PRX: variants seen among roughly 807,000 people sequenced by gnomAD.
PRX encodes the protein periaxin.
A neutral mutation model predicts 29.6 loss-of-function variants in PRX; 24 were observed. The observed-to-expected ratio is 0.81, with a 90% CI of 0.59 to 1.14. PRX has a LOEUF of 1.14. PRX is among the 50% of genes most tolerant of loss of function. The pLI is 0.00. For synonymous variants in PRX, 772 were observed against 831.7 expected, an observed-to-expected ratio of 0.93 and a Z score of 1.24; for missense variants, 1,838 against 1,926.4, an observed-to-expected ratio of 0.95 and a Z score of 0.86.
intron 5 of PRX, 97 bp downstream of exon 5, chr19:40,403,609 C>T: frequency 2.8e-6 from 4 of 1,414,896 alleles, no homozygotes; most frequent in Non-Finnish European, 3.8e-6. Context: ...GTCACGCCCC[C>T]ATCCCCCGGT....
chr19:40,395,051 G>A lies in PRX; in HGVS notation c.3301C>T (p.Leu1101=), dbSNP rs937144917. ...TCCTCCTGGGCGCCCAGCGTGACCA[G>A]CTCCACCTCGGGGATCTTAAGCTGC... The part of the protein sequence containing the change: ...AVQLKIPEVE[L]VTLGAQEEGR... Residue 1101 remains leucine, a synonymous_variant, in exon 7 of 7, where the codon CTG becomes TTG. Transcript: ENST00000324001. 2 of 1,612,166 alleles carry A rather than the reference G, an allele frequency of 1.2e-6. No homozygotes were observed. Among genetic ancestry groups the A allele is most frequent in the African/African-American group, 1.3e-5 (1 of 75,026 alleles).
At chr19:40,413,699 C>T (rs1193071723), upstream of PRX, among the ~76,000 whole-genome samples, 7 of 152,164 alleles carry the variant, frequency 4.6e-5, no homozygotes, top group Non-Finnish European at 2.9e-5. Context: ...TGGCCAACTG[C>T]CTCTACTGTA....
chr19:40,410,828 A>G (rs929964691), intron 1 of PRX, among the ~76,000 whole-genome samples: 4 of 152,218 alleles, frequency 2.6e-5, no homozygotes, highest in Admixed American at 2.0e-4. Flanking sequence ...CTGAGAATGC[A>G]CCACTGCACT....
Position 40,403,781 on chromosome 19 carries a change from C to T in PRX, c.109G>A (p.Gly37Ser), listed in dbSNP as rs749568639. The T allele has an allele frequency of 4.4e-6, 7 of 1,604,528 alleles. No individual in the cohort carries two copies. Among genetic ancestry groups the T allele is most frequent in the Admixed American group, 3.4e-5 (2 of 59,202 alleles). The change falls in exon 5 of 7, where the codon GGC becomes AGC. Residue 37 changes from glycine (G) to serine (S), a missense_variant. By Grantham distance (56) the Gly-to-Ser change is moderately conservative. This residue lies in a region of PRX where 666 missense variants were observed against 665.0 expected (regional missense o/e 1.00). Coordinates refer to ENST00000324001, the MANE Select transcript of PRX (RefSeq NM_181882.3). Reference sequence around the variant, plus strand: ...CGAACGAAGATTCCCTCTTTGCCGCCGCCCGCTACGTTGATGCCGCTGACC... The same window carrying T: ...CGAACGAAGATTCCCTCTTTGCCGCTGCCCGCTACGTTGATGCCGCTGACC... ...TGVSGINVAG[G>S]GKEGIFVREL... is the part of the protein sequence containing the mutation.
rs2079512285 is a variant in PRX, at chr19:40,403,738, G to A, written c.152C>T (p.Ser51Leu). The change falls in exon 5 of 7, where the codon TCA becomes TTA. Residue 51 changes from serine (S) to leucine (L), a missense_variant. Physicochemically the swap from Ser to Leu is moderately radical, Grantham distance 145 (BLOSUM62 -2). Around this residue, in one of 3 missense-constraint regions of PRX, gnomAD observed 666 missense variants for 665.0 expected, o/e 1.00. Transcript: ENST00000324001. ...CAGGCTGAGGCTCCTGGCGGCGGGT[G>A]AGTCCTCGCGCAGCTCCCGAACGAA... ...GIFVRELRED[S>L]PAARSLSLQE... The A allele has an allele frequency of 2.5e-6, 4 of 1,569,630 alleles. No homozygotes were observed. Among genetic ancestry groups the A allele is most frequent in the Admixed American group, 1.8e-5 (1 of 54,910 alleles).
chr19:40,399,027 A>G (rs1251418766), intron 5 of PRX, among the ~76,000 whole-genome samples: 2 of 146,406 alleles, frequency 1.4e-5, no homozygotes, highest in Non-Finnish European at 3.0e-5. Flanking sequence ...GCGCCCACTC[A>G]GGCCACGCCC....
chr19:40,401,345 T>G (rs1024265646), intron 5 of PRX, among the ~76,000 whole-genome samples: 1 of 148,578 alleles, frequency 6.7e-6, no homozygotes. Flanking sequence ...CAAGCTGGAG[T>G]GCAGTGGTGT....
chr19:40,396,454 T>G lies in PRX; in HGVS notation c.1898A>C (p.Glu633Ala). ...GAGTTTCACCTCAGGGAGTTTCATC[T>G]CAGGGAGCTTCATCTCTGGGACTTT... ...LPKVPEMKLP[E>A]MKLPEVKLPK... The change falls in exon 7 of 7, where the codon GAG (glutamate) becomes GCG (alanine). Residue 633 changes from glutamate (E) to alanine (A), a missense_variant. Glu to Ala is a moderately radical substitution (Grantham distance 107). This residue lies in a region of PRX where 1,143 missense variants were observed against 1,193.0 expected (regional missense o/e 0.96). Transcript: ENST00000324001. 1 of 1,610,574 alleles carries G rather than the reference T, an allele frequency of 6.2e-7. No homozygotes were observed. Among genetic ancestry groups the G allele is most frequent in the Non-Finnish European group, 8.5e-7 (1 of 1,179,210 alleles).
chr19:40,403,944 C>T, intron 4 of PRX, 82 bp from the exon 5 acceptor site: 1 of 1,422,860 alleles, frequency 7.0e-7, no homozygotes, highest in Non-Finnish European at 9.6e-7. Context: ...AACAGTGGCT[C>T]ATATACATAT....
chr19:40,397,311 C>G lies in PRX; in HGVS notation c.1041G>C (p.Arg347=). Residue 347 remains arginine, a synonymous_variant, in exon 7 of 7, where the codon CGG becomes CGC. Coordinates refer to ENST00000324001, the MANE Select transcript of PRX (RefSeq NM_181882.3). ...LALPGAEVEA[R]GEAPEVALKM... is the part of the protein sequence containing the mutation. ...TCAGGGCCACCTCAGGTGCCTCTCC[C>G]CGGGCCTCCACCTCTGCACCCGGCA... 6.2e-7 allele frequency: 1 copy of G among 1,613,268 alleles called. No homozygotes were observed. Among genetic ancestry groups the G allele is most frequent in the Non-Finnish European group, 8.5e-7 (1 of 1,179,978 alleles).
intron 4 of PRX, among the ~76,000 whole-genome samples, chr19:40,407,085 A>G (rs2079534614): frequency 6.6e-6 from 1 of 151,194 alleles, no homozygotes; most frequent in Non-Finnish European, 1.5e-5. Context: ...CATTACCTCC[A>G]TTTCAGTGGG....
rs1259617945 is a variant in PRX, at chr19:40,394,167, G to A, written c.4185C>T (p.Gly1395=). 5 of 1,586,606 alleles carry A rather than the reference G, an allele frequency of 3.2e-6. No individual in the cohort carries two copies. The highest frequency in any genetic ancestry group is 4.3e-6 in the Non-Finnish European group (5 of 1,163,438). The stretch of plus-strand genomic sequence containing the variant: ...TGACGGGGGACTTGGGGGCTGCATC[G>A]CCCTCCTGCCCCCGAGAGGCTTTAG... ...APSKASRGQE[G]DAAPKSPVRE... Residue 1395 remains glycine (G), a synonymous_variant, in exon 7 of 7, where the codon GGC becomes GGT. Transcript: ENST00000324001. The surrounding 1 kb of genome is among the most constrained non-coding windows in gnomAD (Gnocchi z 5.8).
At position 40,398,415 on chromosome 19, in the gene PRX, G is replaced by C; in HGVS notation, c.381+205C>G. On this transcript the variant is annotated intron_variant, in intron 6 of 6. Transcript: ENST00000324001. The surrounding 1 kb of genome is among the most constrained non-coding windows in gnomAD (Gnocchi z 6.3). ...TGGTGGGGACGCCTCTCCGAGGTGG[G>C]TGAGGGCCCTGGGCTGGGGTGGGTC... The C allele has an allele frequency of 6.7e-7, 1 of 1,481,670 alleles. No individual in the cohort carries two copies. Among genetic ancestry groups the C allele is most frequent in the Non-Finnish European group, 8.9e-7 (1 of 1,123,678 alleles). The allele number at this position is 1,481,670 out of a possible 1,614,324, so 91.8% of individuals were successfully genotyped here.
chr19:40,397,073 T>G lies in PRX; in HGVS notation c.1279A>C (p.Ile427Leu), dbSNP rs2079446656. The change falls in exon 7 of 7, where the codon ATC becomes CTC. Residue 427 changes from isoleucine to leucine, a missense_variant. By Grantham distance (5) the Ile-to-Leu change is conservative (BLOSUM62 2). Transcript: ENST00000324001. ...TTGACCTCGGGCCCTGACACTCCGA[T>G]GCCAAGGGAGGGCATCTTGATGGTG... Reference protein sequence around the residue: ...LPTIKMPSLGIGVSGPEVKVP... With the variant: ...LPTIKMPSLGLGVSGPEVKVP... 1 of 1,614,098 alleles carries G rather than the reference T, an allele frequency of 6.2e-7. No homozygotes were observed. Among genetic ancestry groups the G allele is most frequent in the Non-Finnish European group, 8.5e-7 (1 of 1,180,036 alleles).
intron 4 of PRX, among the ~76,000 whole-genome samples, chr19:40,404,823 C>A (rs1161383216): frequency 6.6e-6 from 1 of 152,150 alleles, no homozygotes; most frequent in Non-Finnish European, 1.5e-5. Context: ...ATCCTCCTGT[C>A]TCAGCCTCCC....
At chr19:40,404,218 G>T (rs1468238125) in intron 4 of PRX, among the ~76,000 whole-genome samples, 1 of 152,230 alleles carries the variant, frequency 6.6e-6, no homozygotes, top group Non-Finnish European at 1.5e-5. Context: ...AGGGCAGCTG[G>T]CTTTCTAGGA....
intron 5 of PRX, among the ~76,000 whole-genome samples, chr19:40,399,913 C>CTTTCTTTCTTTCTT: frequency 8.7e-6 from 1 of 115,086 alleles, no homozygotes; most frequent in East Asian, 2.4e-4. Context: ...CTTTTTCTTT[C>CTTTCTTTCTTTCTT]TTTCTTTCTT....
At chr19:40,401,268 G>A (rs1342895335) in intron 5 of PRX, among the ~76,000 whole-genome samples, 4 of 151,050 alleles carry the variant, frequency 2.6e-5, no homozygotes, top group African/African-American at 9.7e-5. Flanking sequence ...TCCTAAACCT[G>A]CCTTCATATA....
chr19:40,412,129 C>T (rs554708549), intron 1 of PRX, among the ~76,000 whole-genome samples: 22 of 152,244 alleles, frequency 1.4e-4, no homozygotes, highest in South Asian at 8.3e-4. Context: ...TGGTGACTGC[C>T]ACCAACTTCA....
Sources: allele counts gnomAD v4.1 joint callset (sites outside exome capture counted in the v4.1 genomes callset), GRCh38; gene constraint gnomAD v4.1.1; regional missense constraint gnomAD v4.1.1; non-coding constraint Gnocchi (gnomAD v3.1); transcripts MANE v1.5; gene names NCBI Gene and HGNC (gene_info 2026-07-23, HGNC 2026-07-21).